Variants in SRD5A2 observed in about 807,000 individuals in gnomAD.
SRD5A2 encodes steroid 5 alpha-reductase 2, also known as 3-oxo-5-alpha-steroid 4-dehydrogenase 2.
Under a neutral mutation model 27.4 loss-of-function variants are expected in SRD5A2, and 30 were observed. That is an observed-to-expected ratio of 1.10 (90% CI 0.82 to 1.49). The LOEUF (loss-of-function observed/expected upper bound fraction) is 1.49. SRD5A2 is among the 40% of genes most tolerant of loss of function. SRD5A2 has a pLI of 0.00. For missense variants in SRD5A2, 348 were observed against 323.4 expected (o/e 1.08, Z -0.58); for synonymous variants, 141 against 133.6 (o/e 1.06, Z -0.38).
chr2:31,529,509 A>G lies in SRD5A2; in HGVS notation c.548-52T>C, dbSNP rs370719425. ...ATCATTGCAACTGAATCATTTTGAC[A>G]TTAAACCCATCTGTGTTGTTCCAAA... On this transcript the variant is annotated intron_variant, in intron 3 of 4. Coordinates refer to ENST00000622030, the MANE Select transcript of SRD5A2 (RefSeq NM_000348.4). The G allele has an allele frequency of 1.9e-5, 30 of 1,597,614 alleles. No homozygotes were observed. The African/African-American group carries it at 3.0e-4, about 16-fold the overall frequency.
chr2:31,608,779 T>A, the SRD5A2 span, among the ~76,000 whole-genome samples: 1 of 151,970 alleles, frequency 6.6e-6, no homozygotes, highest in Non-Finnish European at 1.5e-5. Context: ...AAAACTTAAA[T>A]AAGTGAAAAG....
chr2:31,641,644 T>C, the SRD5A2 span, among the ~76,000 whole-genome samples: 1 of 152,122 alleles, frequency 6.6e-6, no homozygotes, highest in Admixed American at 6.6e-5. Flanking sequence ...ATTCCTAAGA[T>C]AGAAAGGTTG....
chr2:31,618,989 TAA>T, the SRD5A2 span, among the ~76,000 whole-genome samples: 1 of 152,140 alleles, frequency 6.6e-6, no homozygotes, highest in Non-Finnish European at 1.5e-5. Flanking sequence ...TCCAAAATTT[TAA>T]GTGTGCAAAG....
the SRD5A2 span, among the ~76,000 whole-genome samples, chr2:31,624,618 T>C: frequency 6.6e-6 from 1 of 152,150 alleles, no homozygotes; most frequent in Non-Finnish European, 1.5e-5. Flanking sequence ...TTTGGTTTTC[T>C]GTCCTTGCGA....
chr2:31,628,835 G>T, the SRD5A2 span, among the ~76,000 whole-genome samples: 2 of 152,058 alleles, frequency 1.3e-5, no homozygotes, highest in Non-Finnish European at 2.9e-5. Context: ...GGTTCCCTTT[G>T]TATGTGATCT....
the SRD5A2 span, among the ~76,000 whole-genome samples, chr2:31,590,268 C>A: frequency 6.6e-6 from 1 of 151,548 alleles, no homozygotes; most frequent in African/African-American, 2.4e-5. Context: ...AACCCGAGTA[C>A]TAATCCTGGC....
the SRD5A2 span, among the ~76,000 whole-genome samples, chr2:31,600,836 A>T: frequency 6.6e-6 from 1 of 151,980 alleles, no homozygotes; most frequent in African/African-American, 2.4e-5. Context: ...GCCAAATTCA[A>T]CAATACTTTA....
intron 1 of SRD5A2, among the ~76,000 whole-genome samples, chr2:31,560,792 G>C (rs908581551): frequency 2.0e-5 from 3 of 152,030 alleles, no homozygotes; most frequent in Non-Finnish European, 2.9e-5. Context: ...TACAGAGCTT[G>C]TCACACATTA....
the SRD5A2 span, among the ~76,000 whole-genome samples, chr2:31,655,657 C>T: frequency 1.3e-5 from 2 of 152,056 alleles, no homozygotes; most frequent in African/African-American, 2.4e-5. Context: ...TCGTCCCACT[C>T]GTGTTGAGGA....
intron 1 of SRD5A2, among the ~76,000 whole-genome samples, chr2:31,545,811 C>T (rs765793481): frequency 4.6e-5 from 7 of 151,680 alleles, no homozygotes; most frequent in African/African-American, 1.2e-4. Flanking sequence ...GTCTAGAACA[C>T]TCTAACGATT....
intron 1 of SRD5A2, among the ~76,000 whole-genome samples, chr2:31,547,023 G>C (rs1666276412): frequency 1.3e-5 from 2 of 152,026 alleles, no homozygotes; most frequent in African/African-American, 2.4e-5. Context: ...ACTTGAACCT[G>C]GGAGGCAGAG....
intron 1 of SRD5A2, among the ~76,000 whole-genome samples, chr2:31,570,866 G>A (rs936307299): frequency 6.6e-6 from 1 of 152,120 alleles, no homozygotes; most frequent in Non-Finnish European, 1.5e-5. Context: ...ACTGCTGAAA[G>A]AAATCAGAGA....
intron 1 of SRD5A2, among the ~76,000 whole-genome samples, chr2:31,570,517 C>T (rs1456426887): frequency 6.6e-6 from 1 of 152,072 alleles, no homozygotes; most frequent in African/African-American, 2.4e-5. Flanking sequence ...TACTGGAAAT[C>T]CTGGCCAGAG....
At chr2:31,535,691 A>C (rs1173605973) in intron 1 of SRD5A2, among the ~76,000 whole-genome samples, 1 of 152,162 alleles carries the variant, frequency 6.6e-6, no homozygotes, top group Non-Finnish European at 1.5e-5. Flanking sequence ...CAATCACAAC[A>C]GTGCCTACAA....
intron 1 of SRD5A2, among the ~76,000 whole-genome samples, chr2:31,535,800 G>A (rs1342577261): frequency 6.6e-6 from 1 of 152,212 alleles, no homozygotes; most frequent in Non-Finnish European, 1.5e-5. Context: ...ATACCAGAGT[G>A]TGCATAAGTG....
intron 1 of SRD5A2, among the ~76,000 whole-genome samples, chr2:31,551,225 T>C (rs1666375774): frequency 6.6e-6 from 1 of 152,124 alleles, no homozygotes; most frequent in Non-Finnish European, 1.5e-5. Flanking sequence ...AATGGTGACA[T>C]ATCATGTTCA....
At chr2:31,632,514 C>T in the SRD5A2 span, among the ~76,000 whole-genome samples, 94 of 152,258 alleles carry the variant, frequency 6.2e-4, no homozygotes, top group African/African-American at 2.1e-3. Flanking sequence ...TGAGGGTGCC[C>T]GGGGCAAGTG....
intron 1 of SRD5A2, among the ~76,000 whole-genome samples, chr2:31,566,881 G>A (rs1666739927): frequency 6.6e-6 from 1 of 151,978 alleles, no homozygotes; most frequent in African/African-American, 2.4e-5. Context: ...ATACTAAAAG[G>A]AAAAAATACA....
the SRD5A2 span, among the ~76,000 whole-genome samples, chr2:31,619,822 A>T: frequency 6.6e-6 from 1 of 151,954 alleles, no homozygotes; most frequent in Admixed American, 6.6e-5. Flanking sequence ...TAAGTTCCTT[A>T]TACATGCTGG....
Sources: allele counts gnomAD v4.1 joint callset (sites outside exome capture counted in the v4.1 genomes callset), GRCh38; gene constraint gnomAD v4.1.1; transcripts MANE v1.5; gene names NCBI Gene and HGNC (gene_info 2026-07-23, HGNC 2026-07-21).